Variants in ZNF140 observed in about 807,000 individuals in gnomAD.
ZNF140 encodes zinc finger protein 140 (clone pHZ-39).
ZNF140 carries 13 observed loss-of-function variants against 12.9 expected under a neutral mutation model. That is an observed-to-expected ratio of 1.01 (90% CI 0.66 to 1.60). The LOEUF is 1.60. ZNF140 is among the 40% of genes most tolerant of loss of function. The pLI is 0.00. For synonymous variants in ZNF140, 214 were observed against 186.7 expected, an observed-to-expected ratio of 1.15 and a Z score of -1.19; for missense variants, 531 against 548.8, an observed-to-expected ratio of 0.97 and a Z score of 0.32.
intron 4 of ZNF140, among the ~76,000 whole-genome samples, chr12:133,100,128 T>C (rs1031591687): frequency 2.6e-5 from 4 of 151,358 alleles, no homozygotes; most frequent in Admixed American, 2.0e-4. Context: ...TTTCTGTTCA[T>C]GTCTTCCATC....
In ZNF140 at chr12:133,101,487, C is replaced by G. The variant is rs1487758765; in HGVS notation, c.233-4023C>G. 4.1e-3 allele frequency among the ~76,000 whole-genome samples: 625 copies of G among 152,296 alleles called. 4 individuals are homozygous for G. Among genetic ancestry groups the G allele is most frequent in the African/African-American group, 0.014 (589 of 41,548 alleles). On this transcript the variant is annotated intron_variant, in intron 4 of 4. Transcript: ENST00000355557. ...TGAGATGGAGTCTCGCTCTGTCACC[C>G]AGGCTGGAGTGCAGTGGCGCGATCT...
intron 4 of ZNF140, among the ~76,000 whole-genome samples, chr12:133,087,870 C>T (rs1954726160): frequency 6.6e-6 from 1 of 152,116 alleles, no homozygotes; most frequent in Non-Finnish European, 1.5e-5. Context: ...GTGGCTCACA[C>T]CTGTAATCCC....
rs577638301 is a variant in ZNF140, at chr12:133,104,542, G to C, written c.233-968G>C. The stretch of plus-strand genomic sequence containing the variant: ...AATTTTTTGTATTCTTAGTAGAGAC[G>C]GGGTTTCACTGTGTTAGCCAGGCTG... On this transcript the variant is annotated intron_variant, in intron 4 of 4. Transcript: ENST00000355557. Among the ~76,000 whole-genome samples, 207 of 152,066 alleles carry C rather than the reference G, an allele frequency of 1.4e-3. 2 individuals carry two copies. In the South Asian group the frequency reaches 0.017, roughly 13 times the overall value.
At chr12:133,100,160 GTTTTTTTTTTTTT>G (rs58610589) in intron 4 of ZNF140, among the ~76,000 whole-genome samples, 20 of 60,982 alleles carry the variant, frequency 3.3e-4, no homozygotes, top group South Asian at 2.8e-3. Flanking sequence ...TGCCTTTTCC[GTTTTTTTTTTTTT>G]TTTTTTTTTT....
chr12:133,095,551 C>G (rs1199547354), intron 4 of ZNF140, among the ~76,000 whole-genome samples: 3 of 151,658 alleles, frequency 2.0e-5, no homozygotes, highest in Admixed American at 6.6e-5. Flanking sequence ...AAAGAAGACA[C>G]AGAGACAAAG....
At position 133,089,115 on chromosome 12, in the gene ZNF140, G is replaced by A. The variant is rs982111291; in HGVS notation, c.232+5554G>A. On this transcript the variant is annotated intron_variant, in intron 4 of 4. Transcript: ENST00000355557. ...TTCCCTCCGTTTCTGTCGTCTGGAA[G>A]AGATTGAGGGGATTGGTATAATTTC... is the stretch of plus-strand genomic sequence containing the variant. Among the ~76,000 whole-genome samples, 18 of 152,314 alleles carry A rather than the reference G, an allele frequency of 1.2e-4. No individual in the cohort carries two copies. In the East Asian group the frequency reaches 3.3e-3, roughly 28 times the overall value.
chr12:133,101,282 TTC>T (rs1435397415), intron 4 of ZNF140, among the ~76,000 whole-genome samples: 191 of 152,282 alleles, frequency 1.3e-3, no homozygotes, highest in African/African-American at 3.9e-3. Context: ...TTTTTAGTAT[TTC>T]TGTTATGCGT....
In ZNF140 at chr12:133,106,543, C is replaced by T. The variant is rs575133240; in HGVS notation, c.1266C>T (p.Phe422=). 2 of 1,613,994 alleles carry T rather than the reference C, an allele frequency of 1.2e-6. No homozygotes were observed. Among genetic ancestry groups the T allele is most frequent in the Admixed American group, 3.3e-5 (2 of 60,028 alleles). ...PYVCKVCNKS[F]SWSSNLAKHQ... is the part of the protein sequence containing the mutation. ...TATGTAAGGTATGCAACAAATCCTT[C>T]AGCTGGAGCTCAAACCTTGCTAAAC... Residue 422 remains phenylalanine (F), a synonymous_variant, in exon 5 of 5, where the codon TTC becomes TTT. Transcript: ENST00000355557.
chr12:133,106,774 C>A lies in ZNF140; in HGVS notation c.*123C>A. On this transcript the variant is annotated 3_prime_UTR_variant, in exon 5 of 5. Transcript: ENST00000355557. ...AAGTGATGACTGTGAAGTAATATGG[C>A]CCACACTTTATTCACCACCCTGGAG... is the stretch of plus-strand genomic sequence containing the variant. 2.3e-6 allele frequency: 2 copies of A among 870,456 alleles called. No individual in the cohort carries two copies. The highest frequency in any genetic ancestry group is 3.3e-6 in the Non-Finnish European group (2 of 607,512). The allele number at this position is 870,456 out of a possible 1,614,324, so 53.9% of individuals were successfully genotyped here.
chr12:133,098,619 T>C (rs1209119700), intron 4 of ZNF140, among the ~76,000 whole-genome samples: 1 of 152,230 alleles, frequency 6.6e-6, no homozygotes, highest in Non-Finnish European at 1.5e-5. Flanking sequence ...TATAATAAAA[T>C]ATTTCTCATT....
chr12:133,103,870 T>C (rs1955459376), intron 4 of ZNF140, among the ~76,000 whole-genome samples: 1 of 152,196 alleles, frequency 6.6e-6, no homozygotes, highest in Non-Finnish European at 1.5e-5. Flanking sequence ...CAGAATTGGT[T>C]TAAAGAAGAG....
At position 133,105,888 on chromosome 12, in the gene ZNF140, T is replaced by G; in HGVS notation, c.611T>G (p.Leu204Arg). 6.2e-7 allele frequency: 1 copy of G among 1,614,152 alleles called. No individual in the cohort carries two copies. The highest frequency in any genetic ancestry group is 1.7e-5 in the Admixed American group (1 of 60,020). The change falls in exon 5 of 5, where the codon CTT (leucine) becomes CGT (arginine). Residue 204 changes from leucine (L) to arginine (R), a missense_variant. Transcript: ENST00000355557. The stretch of plus-strand genomic sequence containing the variant: ...AAAACCTTTAGCCAGATTTCAAACC[T>G]TGTGAAACACCAAATGATACATACT... ...CGKTFSQISN[L>R]VKHQMIHTGK... is the part of the protein sequence containing the mutation.
chr12:133,092,525 A>G (rs1954928387), intron 4 of ZNF140, among the ~76,000 whole-genome samples: 1 of 151,276 alleles, frequency 6.6e-6, no homozygotes, highest in African/African-American at 2.4e-5. Flanking sequence ...TCTTGTTTCC[A>G]TAACTTGATT....
chr12:133,096,144 C>T (rs895689781), intron 4 of ZNF140, among the ~76,000 whole-genome samples: 4,777 of 148,932 alleles, frequency 0.032, 83 homozygotes, highest in Non-Finnish European at 0.051. Context: ...TACCCCGCTT[C>T]CAAGGGCAGA....
At chr12:133,082,332 T>A (rs1311085162) in intron 2 of ZNF140, 1 of 152,252 alleles carries the variant, frequency 6.6e-6, no homozygotes, top group African/African-American at 2.4e-5. Flanking sequence ...CACTTTTTTA[T>A]TAAACTTCAA....
At chr12:133,100,174 T>TG (rs1955291495) in intron 4 of ZNF140, among the ~76,000 whole-genome samples, 5 of 139,316 alleles carry the variant, frequency 3.6e-5, no homozygotes, top group African/African-American at 5.6e-5. Flanking sequence ...TTTTTTTTTT[T>TG]TTTTTTTTTT....
Position 133,106,461 on chromosome 12 carries a change from G to C in ZNF140, c.1184G>C (p.Ser395Thr), listed in dbSNP as rs1367528001. ...TGTGCTGAATGTGATAAAGCCTTCA[G>C]CCGGAGCTTTTCCCTCATTCTACAT... is the stretch of plus-strand genomic sequence containing the variant. ...YACAECDKAF[S>T]RSFSLILHQR... Residue 395 changes from serine to threonine, a missense_variant, in exon 5 of 5, where the codon AGC (serine) becomes ACC (threonine). Physicochemically the swap from Ser to Thr is moderately conservative, Grantham distance 58. Transcript: ENST00000355557. 6.2e-7 allele frequency: 1 copy of C among 1,614,056 alleles called. No homozygotes were observed. The highest frequency in any genetic ancestry group is 1.1e-5 in the South Asian group (1 of 91,074).
chr12:133,083,485 A>T lies in ZNF140; in HGVS notation c.156A>T (p.Pro52=). ...AAGCAGGTCTTTCCATTTCTAAGCC[A>T]GATGTGGTTTCCTTATTGGAGCAAG... is the stretch of plus-strand genomic sequence containing the variant. ...LVSLGLSISK[P]DVVSLLEQGK... The change falls in exon 4 of 5, where the codon CCA becomes CCT. Residue 52 remains proline (P), a synonymous_variant. Coordinates refer to ENST00000355557, the MANE Select transcript of ZNF140 (RefSeq NM_003440.4). The T allele has an allele frequency of 6.2e-7, 1 of 1,613,456 alleles. No individual in the cohort carries two copies. Among genetic ancestry groups the T allele is most frequent in the Non-Finnish European group, 8.5e-7 (1 of 1,179,800 alleles).
chr12:133,100,159 C>CG (rs1955286009), intron 4 of ZNF140, among the ~76,000 whole-genome samples: 1 of 109,982 alleles, frequency 9.1e-6, no homozygotes, highest in African/African-American at 4.3e-5. Flanking sequence ...ATGCCTTTTC[C>CG]GTTTTTTTTT....
Sources: allele counts gnomAD v4.1 joint callset (sites outside exome capture counted in the v4.1 genomes callset), GRCh38; gene constraint gnomAD v4.1.1; transcripts MANE v1.5; gene names NCBI Gene and HGNC (gene_info 2026-07-23, HGNC 2026-07-21).